Variants in MYH4 observed in about 807,000 individuals in gnomAD.
MYH4 encodes the protein myosin heavy chain 4.
A neutral mutation model predicts 229.9 loss-of-function variants in MYH4; 200 were observed. That is an observed-to-expected ratio of 0.87 (90% CI 0.78 to 0.98). The LOEUF (loss-of-function observed/expected upper bound fraction) is 0.98. MYH4 is among the 50% of genes least tolerant of loss of function. The pLI, the probability that MYH4 is intolerant of heterozygous loss-of-function variation, is 0.00. For missense variants in MYH4, 2,148 were observed against 2,332.6 expected, an observed-to-expected ratio of 0.92 and a Z score of 1.63; for synonymous variants, 761 against 834.6, an observed-to-expected ratio of 0.91 and a Z score of 1.52.
intron 2 of MYH4, among the ~76,000 whole-genome samples, chr17:10,468,238 G>A (rs955150328): frequency 3.3e-5 from 5 of 152,120 alleles, no homozygotes; most frequent in Non-Finnish European, 2.9e-5. Context: ...ACACTACCAC[G>A]TGGAGGTTAC....
intron 28 of MYH4, among the ~76,000 whole-genome samples, 197 bp downstream of exon 28, chr17:10,451,129 A>G (rs2072567922): frequency 1.3e-5 from 2 of 152,206 alleles, no homozygotes; most frequent in Non-Finnish European, 2.9e-5. Context: ...TCCTGAGCCC[A>G]GGGAGCTTAA....
intron 4 of MYH4, among the ~76,000 whole-genome samples, chr17:10,465,912 C>G (rs1181155430): frequency 3.3e-5 from 5 of 149,644 alleles, no homozygotes; most frequent in Non-Finnish European, 3.0e-5. Context: ...GTAGCTGGGA[C>G]TACAGGTGCC....
Position 10,448,119 on chromosome 17 carries a change from A to G in MYH4, c.4664T>C (p.Leu1555Pro), listed in dbSNP as rs1194972803. The G allele has an allele frequency of 4.4e-6, 7 of 1,607,304 alleles. No homozygotes were observed. Among genetic ancestry groups the G allele is most frequent in the Non-Finnish European group, 5.1e-6 (6 of 1,176,984 alleles). ...QTSLEEAEAS[L>P]EHEEGKILRI... Reference sequence around the variant, plus strand: ...AAGAATTTTGCCTTCTTCATGCTCAAGAGATGCCTTAATAAAAGCAACATT... The same window carrying G: ...AAGAATTTTGCCTTCTTCATGCTCAGGAGATGCCTTAATAAAAGCAACATT... Residue 1555 changes from leucine to proline, a missense_variant, in exon 34 of 40, where the codon CTT becomes CCT. Coordinates refer to ENST00000255381, the MANE Select transcript of MYH4 (RefSeq NM_017533.2).
rs372350438 is a variant in MYH4, at chr17:10,460,369, T to A, written c.1148-48A>T. On this transcript the variant is annotated intron_variant, in intron 12 of 39. Transcript: ENST00000255381. Reference sequence around the variant, plus strand: ...GTGAAACTGACCATGGCTTACACAATTTAAAATGTAAATGATGATGACAAA... The same window carrying A: ...GTGAAACTGACCATGGCTTACACAAATTAAAATGTAAATGATGATGACAAA... 56 of 1,360,830 alleles carry A rather than the reference T, an allele frequency of 4.1e-5. No individual in the cohort carries two copies. In the African/African-American group the frequency reaches 7.8e-4, roughly 19 times the overall value. The allele number at this position is 1,360,830 out of a possible 1,614,324, so 84.3% of individuals were successfully genotyped here. A position where few individuals can be genotyped will look rare whatever the true frequency, so the allele number is the denominator to read the frequency against.
rs780360777 is a variant in MYH4 at position 10,465,587 on chromosome 17, G to C, written c.360C>G (p.Gly120=). Residue 120 remains glycine (G), a synonymous_variant, in exon 5 of 40, where the codon GGC becomes GGG. Coordinates refer to ENST00000255381, the MANE Select transcript of MYH4 (RefSeq NM_017533.2). ...YAAWMIYTYS[G]LFCVTVNPYK... ...AGGGGTTGACGGTGACACAGAAGAG[G>C]CCCGAGTAGGTCTGTGGGAAAGGAC... 12 of 1,614,084 alleles carry C rather than the reference G, an allele frequency of 7.4e-6. No individual in the cohort carries two copies. Among genetic ancestry groups the C allele is most frequent in the Non-Finnish European group, 1.0e-5 (12 of 1,180,002 alleles).
At chr17:10,445,904 TGTA>T (rs2072507027) in intron 35 of MYH4, among the ~76,000 whole-genome samples, 1 of 151,390 alleles carries the variant, frequency 6.6e-6, no homozygotes, top group African/African-American at 2.4e-5. Flanking sequence ...GGTGGGCGCC[TGTA>T]GTCCCAGCTA....
At position 10,464,592 on chromosome 17, in the gene MYH4, A is replaced by G. The variant is rs745841271; in HGVS notation, c.534-6T>C. 2 of 1,614,102 alleles carry G rather than the reference A, an allele frequency of 1.2e-6. No individual in the cohort carries two copies. Among genetic ancestry groups the G allele is most frequent in the Non-Finnish European group, 1.7e-6 (2 of 1,179,980 alleles). On this transcript the variant is annotated splice_polypyrimidine_tract_variant and splice_region_variant and intron_variant, in intron 6 of 39. Coordinates refer to ENST00000255381, the MANE Select transcript of MYH4 (RefSeq NM_017533.2). ...TCCCTGCACCAGATTCTCCACTATC[A>G]AGTTCAAACAGAAGAAAAGGTCAGA...
chr17:10,467,903 C>T (rs1020646342), intron 2 of MYH4, among the ~76,000 whole-genome samples: 3 of 152,150 alleles, frequency 2.0e-5, no homozygotes, highest in African/African-American at 7.2e-5. Flanking sequence ...TCTTGGTTGC[C>T]AATGACAATG....
chr17:10,464,726 A>C lies in MYH4; in HGVS notation c.506-18T>G. 6.2e-7 allele frequency: 1 copy of C among 1,611,480 alleles called. No homozygotes were observed. Among genetic ancestry groups the C allele is most frequent in the Non-Finnish European group, 8.5e-7 (1 of 1,178,130 alleles). ...TTCACGATCTGTAAAAGAGAAGCCA[A>C]AGATAATATTTAGAAAAACACACTT... On this transcript the variant is annotated intron_variant, in intron 5 of 39. Coordinates refer to ENST00000255381, the MANE Select transcript of MYH4 (RefSeq NM_017533.2).
In MYH4 at chr17:10,448,075, T is replaced by G; in HGVS notation, c.4708A>C (p.Asn1570His). ...CGGTCAATCTCAGATTTCACCTGAT[T>G]TAGCTCAAGTTGAATGCGAAGAATT... ...GKILRIQLEL[N>H]QVKSEIDRKI... The change falls in exon 34 of 40, where the codon AAT becomes CAT. Residue 1570 changes from asparagine (N) to histidine (H), a missense_variant. Physicochemically the swap from Asn to His is moderately conservative, Grantham distance 68. Coordinates refer to ENST00000255381, the MANE Select transcript of MYH4 (RefSeq NM_017533.2). 6.2e-7 allele frequency: 1 copy of G among 1,614,038 alleles called. No individual in the cohort carries two copies. The highest frequency in any genetic ancestry group is 8.5e-7 in the Non-Finnish European group (1 of 1,179,992).
At chr17:10,464,919 T>C (rs1190449006) in intron 5 of MYH4, among the ~76,000 whole-genome samples, 1 of 152,228 alleles carries the variant, frequency 6.6e-6, no homozygotes, top group Non-Finnish European at 1.5e-5. Context: ...ATGTATAGAC[T>C]ATGTAATGCA....
Position 10,466,269 on chromosome 17 carries a change from T to C in MYH4, c.348+4A>G. 6.2e-7 allele frequency: 1 copy of C among 1,613,452 alleles called. No individual in the cohort carries two copies. Among genetic ancestry groups the C allele is most frequent in the Non-Finnish European group, 8.5e-7 (1 of 1,179,754 alleles). ...GTGAGAAATAGCGTTGAAAGGGTGC[T>C]CACGTAGATCATCCAGGCTGCGTAA... On this transcript the variant is annotated splice_donor_region_variant and intron_variant, in intron 4 of 39. Transcript: ENST00000255381.
Position 10,461,380 on chromosome 17 carries a change from C to G in MYH4, c.1009-326G>C, listed in dbSNP as rs151158273. 8.8e-4 allele frequency among the ~76,000 whole-genome samples: 134 copies of G among 152,236 alleles called. 2 individuals are homozygous for G. The East Asian group carries it at 0.025, about 28-fold the overall frequency. The stretch of plus-strand genomic sequence containing the variant: ...TGCCCCTTTTCTCCACCCCAGCCCC[C>G]CTTTGCTTCTCAGGCACATGCTCCT... On this transcript the variant is annotated intron_variant, in intron 11 of 39. Coordinates refer to ENST00000255381, the MANE Select transcript of MYH4 (RefSeq NM_017533.2).
At position 10,460,055 on chromosome 17, in the gene MYH4, A is replaced by G; in HGVS notation, c.1313T>C (p.Met438Thr). The change falls in exon 14 of 40, where the codon ATG becomes ACG. Residue 438 changes from methionine (M) to threonine (T), a missense_variant. Physicochemically the swap from Met to Thr is moderately conservative, Grantham distance 81. Coordinates refer to ENST00000255381, the MANE Select transcript of MYH4 (RefSeq NM_017533.2). ...GALAKAIYEK[M>T]FLWMVTRINQ... ...GATGCGGGTGACCATCCACAGGAAC[A>G]TCTTCTCGTAGATGGCTTTGGCCAG... 6.2e-7 allele frequency: 1 copy of G among 1,614,168 alleles called. No homozygotes were observed. Among genetic ancestry groups the G allele is most frequent in the Non-Finnish European group, 8.5e-7 (1 of 1,180,006 alleles).
rs1457087191 is a variant in MYH4 at position 10,463,573 on chromosome 17, C to T, written c.719G>A (p.Arg240Lys). ...LEAFGNAKTVRNDNSSRFGKF... is the reference protein window; with the variant it reads ...LEAFGNAKTVKNDNSSRFGKF... Reference sequence around the variant, plus strand: ...TACAAAGCGAGAGGAGTTGTCATTCCTCACGGTCTTGGCATTGCCGAAGGC... The same window carrying T: ...TACAAAGCGAGAGGAGTTGTCATTCTTCACGGTCTTGGCATTGCCGAAGGC... The change falls in exon 8 of 40, where the codon AGG (arginine) becomes AAG (lysine). Residue 240 changes from arginine (R) to lysine (K), a missense_variant. Arg to Lys is a conservative substitution (Grantham distance 26). Transcript: ENST00000255381. 1.9e-6 allele frequency: 3 copies of T among 1,613,368 alleles called. No homozygotes were observed. Among genetic ancestry groups the T allele is most frequent in the Non-Finnish European group, 2.5e-6 (3 of 1,179,450 alleles).
rs758195184 is a variant in MYH4, at chr17:10,452,232, C to A, written c.3447G>T (p.Glu1149Asp). ...QRSDLSRELE[E>D]ISERLEEAGG... ...CGGCTTCTTCCAGCCTCTCACTGAT[C>A]TCCTCCAGCTCCCGGGAGAGGTCAG... The change falls in exon 27 of 40, where the codon GAG becomes GAT. Residue 1149 changes from glutamate (E) to aspartate (D), a missense_variant. By Grantham distance (45) the Glu-to-Asp change is conservative. Coordinates refer to ENST00000255381, the MANE Select transcript of MYH4 (RefSeq NM_017533.2). 13 of 1,613,846 alleles carry A rather than the reference C, an allele frequency of 8.1e-6. No individual in the cohort carries two copies. Among genetic ancestry groups the A allele is most frequent in the Non-Finnish European group, 1.1e-5 (13 of 1,180,028 alleles).
At chr17:10,466,165 C>A in intron 4 of MYH4, 108 bp downstream of exon 4, 1 of 1,279,042 alleles carries the variant, frequency 7.8e-7, no homozygotes, top group South Asian at 1.5e-5. Context: ...AACAATTGGT[C>A]ATAAAAGAAC....
intron 26 of MYH4, 36 bp downstream of exon 26, chr17:10,452,380 C>T: frequency 6.2e-7 from 1 of 1,614,098 alleles, no homozygotes; most frequent in South Asian, 1.1e-5. Flanking sequence ...GTTTTGTTTC[C>T]TGTAATGCCC....
At chr17:10,447,626 A>G (rs2072526151) in intron 34 of MYH4, among the ~76,000 whole-genome samples, 192 bp downstream of exon 34, 1 of 152,208 alleles carries the variant, frequency 6.6e-6, no homozygotes, top group South Asian at 2.1e-4. Flanking sequence ...TCTGCAGATA[A>G]CAAAGCAAAC....
Sources: allele counts gnomAD v4.1 joint callset (sites outside exome capture counted in the v4.1 genomes callset), GRCh38; gene constraint gnomAD v4.1.1; transcripts MANE v1.5; gene names NCBI Gene and HGNC (gene_info 2026-07-23, HGNC 2026-07-21).